The following KCNJ15 variants were observed in gnomAD, a reference collection of about 807,000 sequenced individuals.
KCNJ15 encodes potassium inwardly rectifying channel subfamily J member 15, also known as ATP-sensitive inward rectifier potassium channel 15.
In KCNJ15, 14 loss-of-function variants were observed where a neutral mutation model predicts 23.0. The ratio of observed to expected loss-of-function variants is 0.61; its 90% CI spans 0.40 to 0.95. The LOEUF (loss-of-function observed/expected upper bound fraction) is 0.95. KCNJ15 is among the 40% of genes least tolerant of loss of function. KCNJ15 has a pLI of 0.00. For missense variants in KCNJ15, 388 were observed against 461.8 expected, an observed-to-expected ratio of 0.84 and a Z score of 1.46; for synonymous variants, 185 against 183.2, an observed-to-expected ratio of 1.01 and a Z score of -0.08.
chr21:38,254,775 A>G (rs1040183440), upstream of KCNJ15, among the ~76,000 whole-genome samples: 2 of 152,156 alleles, frequency 1.3e-5, no homozygotes, highest in African/African-American at 2.4e-5. Flanking sequence ...AATACAACTA[A>G]TCATGCCTAC....
rs1985880390 is a variant in KCNJ15 at position 38,302,601 on chromosome 21, A to G, written c.*2212A>G. The G allele has an allele frequency of 6.6e-6, 1 of 152,090 alleles. No homozygotes were observed. Among genetic ancestry groups the G allele is most frequent in the African/African-American group, 2.4e-5 (1 of 41,426 alleles). 9.4% of individuals were successfully genotyped at this position (152,090 alleles called of 1,614,324 possible). On this transcript the variant is annotated 3_prime_UTR_variant, in exon 3 of 3. Transcript: ENST00000398938. ...ATCTCTTTTAGTTATTATACTTGCT[A>G]TTTTTACTGTATAGTGTGGTATAAT...
At chr21:38,283,675 A>T (rs1159259162) in intron 1 of KCNJ15, among the ~76,000 whole-genome samples, 4 of 152,228 alleles carry the variant, frequency 2.6e-5, no homozygotes, top group Admixed American at 2.0e-4. Flanking sequence ...CAAGCAGTCT[A>T]ACATAAATAG....
rs146804318 is a variant in KCNJ15 at position 38,271,878 on chromosome 21, A to G, written c.-117+14693A>G. On this transcript the variant is annotated intron_variant, in intron 1 of 2. Transcript: ENST00000398938. ...GGTGAGATCCACCCACTGTCATGGG[A>G]AGCTGCTAGCATGCTCCCATTTGTT... Among the ~76,000 whole-genome samples the G allele has an allele frequency of 1.9e-3, 288 of 152,300 alleles. 3 individuals are homozygous for G. The highest frequency in any genetic ancestry group is 6.7e-3 in the African/African-American group (279 of 41,566).
chr21:38,264,123 C>G (rs560307370), intron 1 of KCNJ15, among the ~76,000 whole-genome samples: 1 of 152,320 alleles, frequency 6.6e-6, no homozygotes, highest in Non-Finnish European at 1.5e-5. Flanking sequence ...CCTATTTGAA[C>G]CTGGGAATCA....
intron 1 of KCNJ15, chr21:38,238,281 G>A: frequency 2.9e-6 from 2 of 701,626 alleles, no homozygotes; most frequent in Non-Finnish European, 5.4e-6. Context: ...GCATTGAGCA[G>A]GCTTGATTCT....
At chr21:38,292,113 G>T (rs1178993530) in intron 1 of KCNJ15, among the ~76,000 whole-genome samples, 1 of 152,212 alleles carries the variant, frequency 6.6e-6, no homozygotes, top group African/African-American at 2.4e-5. Context: ...TTAGATAGGA[G>T]TGCAGCCGTG....
chr21:38,300,368 A>T lies in KCNJ15; in HGVS notation c.1107A>T (p.Leu369Phe). ...GGGAAAGAGAACTGAGGACACTTTTATTACAACAGAGCAATGTCTGATCAC... is the reference window on the plus strand; with the variant it reads ...GGGAAAGAGAACTGAGGACACTTTTTTTACAACAGAGCAATGTCTGATCAC... ...DQRERELRTL[L>F]LQQSNV Residue 369 changes from leucine to phenylalanine, a missense_variant, in exon 3 of 3, where the codon TTA (leucine) becomes TTT (phenylalanine). Transcript: ENST00000398938. 1 of 1,611,994 alleles carries T rather than the reference A, an allele frequency of 6.2e-7. No individual in the cohort carries two copies. Among genetic ancestry groups the T allele is most frequent in the Non-Finnish European group, 8.5e-7 (1 of 1,178,696 alleles).
chr21:38,236,632 G>A (rs1423533697), intron 1 of KCNJ15, among the ~76,000 whole-genome samples: 5 of 152,126 alleles, frequency 3.3e-5, no homozygotes, highest in East Asian at 1.9e-4. Flanking sequence ...CCATTTTCCA[G>A]TGATGGAAAC....
chr21:38,293,389 G>C (rs897080925), intron 1 of KCNJ15, among the ~76,000 whole-genome samples: 2 of 152,130 alleles, frequency 1.3e-5, no homozygotes, highest in South Asian at 2.1e-4. Context: ...CAAGGGAGTA[G>C]GAAACACACA....
chr21:38,241,325 G>A (rs1002220556), intron 1 of KCNJ15, among the ~76,000 whole-genome samples: 4 of 152,116 alleles, frequency 2.6e-5, no homozygotes, highest in Non-Finnish European at 5.9e-5. Flanking sequence ...CCCTCCCTCT[G>A]CAGTGGAGTA....
chr21:38,293,705 C>A (rs1984856552), intron 1 of KCNJ15, among the ~76,000 whole-genome samples: 1 of 150,654 alleles, frequency 6.6e-6, no homozygotes, highest in Non-Finnish European at 1.5e-5. Context: ...TCTGGGCCAT[C>A]CTTCAGTCCT....
rs1019020538 is a variant in KCNJ15 at position 38,301,972 on chromosome 21, ACACACACATG to A, written c.*1591_*1600del. 2 of 156,662 alleles carry A rather than the reference ACACACACATG, an allele frequency of 1.3e-5. No homozygotes were observed. Among genetic ancestry groups the A allele is most frequent in the African/African-American group, 2.4e-5 (1 of 40,998 alleles). The allele number at this position is 156,662 out of a possible 1,614,324, so 9.7% of individuals were successfully genotyped here. On this transcript the variant is annotated 3_prime_UTR_variant, in exon 3 of 3. Coordinates refer to ENST00000398938, the MANE Select transcript of KCNJ15 (RefSeq NM_170736.3). The stretch of plus-strand genomic sequence containing the variant: ...CACACACACAGTCACACACGCACAC[ACACACACATG>A]CACACACGCGCGTGCACACACGCAC...
rs186085912 is a variant in KCNJ15, at chr21:38,289,648, G to A, written c.-116-7278G>A. Among the ~76,000 whole-genome samples the A allele has an allele frequency of 1.1e-4, 16 of 152,222 alleles. No individual in the cohort carries two copies. The East Asian group carries it at 3.1e-3, about 29-fold the overall frequency. Reference sequence around the variant, plus strand: ...CTTAGGAAGCTAAGGAAGGAGAATCGCTTGAATCTGGGAGGCAGGGGTTGC... The same window carrying A: ...CTTAGGAAGCTAAGGAAGGAGAATCACTTGAATCTGGGAGGCAGGGGTTGC... On this transcript the variant is annotated intron_variant, in intron 1 of 2. Coordinates refer to ENST00000398938, the MANE Select transcript of KCNJ15 (RefSeq NM_170736.3).
intron 1 of KCNJ15, among the ~76,000 whole-genome samples, chr21:38,247,881 T>C (rs1168953695): frequency 2.0e-5 from 3 of 152,194 alleles, no homozygotes; most frequent in Non-Finnish European, 4.4e-5. Context: ...CACTGCAATC[T>C]GAGGAAGAAA....
chr21:38,300,346 A>G lies in KCNJ15; in HGVS notation c.1085A>G (p.Glu362Gly), dbSNP rs772606912. 6.2e-7 allele frequency: 1 copy of G among 1,613,848 alleles called. No homozygotes were observed. Among genetic ancestry groups the G allele is most frequent in the African/African-American group, 1.3e-5 (1 of 74,934 alleles). The change falls in exon 3 of 3, where the codon GAA (glutamate) becomes GGA (glycine). Residue 362 changes from glutamate (E) to glycine (G), a missense_variant. Transcript: ENST00000398938. ...EEKYRQEDQR[E>G]RELRTLLLQQ... is the part of the protein sequence containing the mutation. Reference sequence around the variant, plus strand: ...AAGTACAGGCAGGAGGATCAGAGGGAAAGAGAACTGAGGACACTTTTATTA... The same window carrying G: ...AAGTACAGGCAGGAGGATCAGAGGGGAAGAGAACTGAGGACACTTTTATTA...
rs1050998960 is a variant in KCNJ15 at position 38,299,464 on chromosome 21, C to T, written c.203C>T (p.Thr68Ile). ...VIDMKWRYKLTLFAATFVMTW... is the reference protein window; with the variant it reads ...VIDMKWRYKLILFAATFVMTW... ...GACATGAAGTGGAGATACAAACTCACCCTGTTCGCTGCCACTTTTGTGATG... is the reference window on the plus strand; with the variant it reads ...GACATGAAGTGGAGATACAAACTCATCCTGTTCGCTGCCACTTTTGTGATG... Residue 68 changes from threonine (T) to isoleucine (I), a missense_variant, in exon 3 of 3, where the codon ACC becomes ATC. Transcript: ENST00000398938. The surrounding 1 kb of genome is among the most constrained non-coding windows in gnomAD (Gnocchi z 4.5). The T allele has an allele frequency of 5.0e-6, 8 of 1,614,090 alleles. No homozygotes were observed. The highest frequency in any genetic ancestry group is 2.5e-6 in the Non-Finnish European group (3 of 1,180,036).
intron 1 of KCNJ15, among the ~76,000 whole-genome samples, chr21:38,269,853 G>A (rs528739757): frequency 2.7e-4 from 41 of 152,152 alleles, no homozygotes; most frequent in African/African-American, 9.4e-4. Context: ...TCTATTGAAA[G>A]TGACCACTGT....
intron 1 of KCNJ15, chr21:38,238,022 A>T (rs1178307878): frequency 4.3e-6 from 1 of 234,078 alleles, no homozygotes; most frequent in African/African-American, 2.3e-5. Context: ...TAGGCTGGAG[A>T]CTGTAATTTT....
intron 1 of KCNJ15, among the ~76,000 whole-genome samples, chr21:38,264,421 T>G (rs1387314547): frequency 6.6e-6 from 1 of 152,168 alleles, no homozygotes; most frequent in African/African-American, 2.4e-5. Context: ...TGGCCCCACT[T>G]TACAATGGCC....
Sources: allele counts gnomAD v4.1 joint callset (sites outside exome capture counted in the v4.1 genomes callset), GRCh38; gene constraint gnomAD v4.1.1; non-coding constraint Gnocchi (gnomAD v3.1); transcripts MANE v1.5; gene names NCBI Gene and HGNC (gene_info 2026-07-23, HGNC 2026-07-21).